Variants in DIP2C observed in about 807,000 individuals in gnomAD.
DIP2C encodes the protein DIP2 acetate--CoA ligase C (putative).
A neutral mutation model predicts 192.4 loss-of-function variants in DIP2C; 33 were observed. The ratio of observed to expected loss-of-function variants is 0.17; its 90% CI spans 0.13 to 0.23. The LOEUF (loss-of-function observed/expected upper bound fraction) is 0.23. Ranked by LOEUF, DIP2C falls within the 10% of genes least tolerant of loss-of-function variation. DIP2C has a pLI of 1.00. For synonymous variants in DIP2C, 979 were observed against 864.1 expected, an observed-to-expected ratio of 1.13 and a Z score of -2.33; for missense variants, 1,537 against 2,110.1, an observed-to-expected ratio of 0.73 and a Z score of 5.32.
At chr10:494,850 C>T (rs1844699746) in intron 1 of DIP2C, among the ~76,000 whole-genome samples, 1 of 152,204 alleles carries the variant, frequency 6.6e-6, no homozygotes, top group Non-Finnish European at 1.5e-5. Flanking sequence ...AAACTAGAAA[C>T]AGGACTCTAT....
intron 26 of DIP2C, among the ~76,000 whole-genome samples, chr10:347,372 G>T (rs954478569): frequency 7.1e-6 from 1 of 141,798 alleles, no homozygotes; most frequent in Admixed American, 7.1e-5. Flanking sequence ...GACACATCGC[G>T]CATAGTTCTC....
At chr10:581,271 C>A (rs1672535) in intron 1 of DIP2C, among the ~76,000 whole-genome samples, 113,114 of 152,156 alleles carry the variant, frequency 0.74, 44,493 homozygotes, top group South Asian at 0.88. Flanking sequence ...GTTTGTATGT[C>A]TAAAAAGTTA....
At chr10:414,739 G>GTGTGTGTGTGTGTGTATA in intron 7 of DIP2C, among the ~76,000 whole-genome samples, 1 of 90,510 alleles carries the variant, frequency 1.1e-5, no homozygotes, top group Non-Finnish European at 2.1e-5. Flanking sequence ...GTGTGTGTGT[G>GTGTGTGTGTGTGTGTATA]TACATATATA....
At chr10:337,581 A>ATGTG (rs547049566) in intron 29 of DIP2C, among the ~76,000 whole-genome samples, 3 of 100,362 alleles carry the variant, frequency 3.0e-5, no homozygotes, top group Admixed American at 2.1e-4. Flanking sequence ...GCCTAGGCTG[A>ATGTG]TGTGTGTGTG....
chr10:366,129 G>C, intron 19 of DIP2C, 146 bp downstream of exon 19: 1 of 1,147,392 alleles, frequency 8.7e-7, no homozygotes, highest in Non-Finnish European at 1.2e-6. Flanking sequence ...GCGATAAAAA[G>C]TGGTAAAGTG....
At chr10:302,512 C>CT (rs1352669159) in intron 32 of DIP2C, among the ~76,000 whole-genome samples, 1 of 152,158 alleles carries the variant, frequency 6.6e-6, no homozygotes, top group African/African-American at 2.4e-5. Flanking sequence ...ATATGAAACA[C>CT]TGAGAAGCTG....
intron 1 of DIP2C, among the ~76,000 whole-genome samples, chr10:644,847 C>T (rs1204272314): frequency 6.6e-6 from 1 of 152,268 alleles, no homozygotes; most frequent in Non-Finnish European, 1.5e-5. Context: ...GGGCCTCAGA[C>T]ATACAATTTA....
At chr10:410,246 C>A (rs539943318) in intron 8 of DIP2C, among the ~76,000 whole-genome samples, 72 of 152,302 alleles carry the variant, frequency 4.7e-4, no homozygotes, top group South Asian at 2.1e-3. Context: ...GGACACTTCC[C>A]GGTCATACTA....
chr10:449,920 C>CAAAAAA (rs59135780), intron 3 of DIP2C, among the ~76,000 whole-genome samples: 8 of 135,894 alleles, frequency 5.9e-5, no homozygotes, highest in African/African-American at 2.1e-4. Flanking sequence ...TCAACAACAA[C>CAAAAAA]AAAAAAAAAA....
chr10:646,880 T>C (rs1213720631), intron 1 of DIP2C, among the ~76,000 whole-genome samples: 4 of 152,268 alleles, frequency 2.6e-5, no homozygotes, highest in African/African-American at 9.6e-5. Flanking sequence ...ACTCGGTTGG[T>C]AATTTCCATT....
In DIP2C at chr10:274,693, G is replaced by C. The variant is rs1407183663; in HGVS notation, c.*2632C>G. ...CTGATAAAAGGGACCATCTCCCTTG[G>C]GTAAAGTGTCAAGCAGGATTAAATA... On this transcript the variant is annotated 3_prime_UTR_variant, in exon 37 of 37. Transcript: ENST00000280886. 6.6e-6 allele frequency: 1 copy of C among 152,106 alleles called. No individual in the cohort carries two copies. Among genetic ancestry groups the C allele is most frequent in the African/African-American group, 2.4e-5 (1 of 41,414 alleles). The allele number at this position is 152,106 out of a possible 1,614,324, so 9.4% of individuals were successfully genotyped here.
intron 1 of DIP2C, among the ~76,000 whole-genome samples, chr10:496,104 G>A (rs570766873): frequency 3.3e-4 from 41 of 124,828 alleles, no homozygotes; most frequent in African/African-American, 1.2e-3. Context: ...GTGCCCTCCC[G>A]TGTACTTAAA....
intron 1 of DIP2C, among the ~76,000 whole-genome samples, chr10:566,465 C>CA (rs1171038545): frequency 6.6e-6 from 1 of 152,172 alleles, no homozygotes; most frequent in Non-Finnish European, 1.5e-5. Flanking sequence ...TAGCACACCA[C>CA]AAACAGCACA....
chr10:341,472 A>G (rs1470007309), intron 28 of DIP2C, 143 bp from the exon 29 acceptor site: 5 of 1,228,720 alleles, frequency 4.1e-6, no homozygotes, highest in Non-Finnish European at 4.6e-6. Flanking sequence ...ACGGGGCTGC[A>G]CTGAACGCAA....
At chr10:414,735 G>GTATATATATATATATATATATATATA (rs1377828086) in intron 7 of DIP2C, among the ~76,000 whole-genome samples, 7 of 53,086 alleles carry the variant, frequency 1.3e-4, no homozygotes, top group East Asian at 1.5e-3. Flanking sequence ...GTGTGTGTGT[G>GTATATATATATATATATATATATATA]TGTGTACATA....
intron 19 of DIP2C, 22 bp downstream of exon 19, chr10:366,252 TG>T (rs1487194585): frequency 1.9e-6 from 3 of 1,610,444 alleles, no homozygotes; most frequent in Non-Finnish European, 2.5e-6. Context: ...ATGGTGCCCA[TG>T]GTAAGACTCT....
intron 4 of DIP2C, among the ~76,000 whole-genome samples, chr10:432,291 T>G (rs1453222639): frequency 6.6e-6 from 1 of 152,224 alleles, no homozygotes; most frequent in African/African-American, 2.4e-5. Flanking sequence ...AGATGTTTGG[T>G]AGAATTCACC....
At chr10:617,821 GC>G (rs35841938) in intron 1 of DIP2C, among the ~76,000 whole-genome samples, 4 of 151,938 alleles carry the variant, frequency 2.6e-5, no homozygotes, top group East Asian at 1.9e-4. Flanking sequence ...GTGGGTAACC[GC>G]CCCCCCAGCC....
At chr10:664,161 GC>G (rs1856946186) in intron 1 of DIP2C, 1 of 152,278 alleles carries the variant, frequency 6.6e-6, no homozygotes, top group Non-Finnish European at 1.5e-5. Flanking sequence ...AAGGGGAAAA[GC>G]CCGGACACAA....
Sources: allele counts gnomAD v4.1 joint callset (sites outside exome capture counted in the v4.1 genomes callset), GRCh38; gene constraint gnomAD v4.1.1; transcripts MANE v1.5; gene names NCBI Gene and HGNC (gene_info 2026-07-23, HGNC 2026-07-21).